Variants in POT1 observed in about 807,000 individuals in gnomAD.
POT1 encodes the protein protection of telomeres 1.
In POT1, 47 loss-of-function variants were observed where a neutral mutation model predicts 78.5. The observed-to-expected ratio is 0.60, with a 90% CI of 0.47 to 0.76. The LOEUF is 0.76. Among genes scored for constraint, POT1 ranks in the 30% least tolerant of loss-of-function variants. The pLI, the probability that POT1 is intolerant of heterozygous loss-of-function variation, is 0.00. For synonymous variants in POT1, 259 were observed against 260.7 expected, an observed-to-expected ratio of 0.99 and a Z score of 0.06; for missense variants, 646 against 749.9, an observed-to-expected ratio of 0.86 and a Z score of 1.62.
chr7:124,884,947 C>T (rs1190842944), intron 6 of POT1, among the ~76,000 whole-genome samples: 1 of 151,468 alleles, frequency 6.6e-6, no homozygotes, highest in African/African-American at 2.4e-5. Flanking sequence ...AAATTAAATT[C>T]CCTTATATGT....
intron 5 of POT1, among the ~76,000 whole-genome samples, chr7:124,896,337 T>C (rs1416694859): frequency 1.3e-5 from 2 of 151,756 alleles, no homozygotes; most frequent in Non-Finnish European, 3.0e-5. Context: ...ATATATCAAA[T>C]ATTTTAAATT....
At chr7:124,856,863 A>G (rs948439156) in intron 9 of POT1, among the ~76,000 whole-genome samples, 2 of 152,234 alleles carry the variant, frequency 1.3e-5, no homozygotes, top group Admixed American at 6.5e-5. Flanking sequence ...AATGTAGATA[A>G]TATCTTTCAG....
chr7:124,845,082 A>C (rs970053988), intron 12 of POT1, among the ~76,000 whole-genome samples: 1 of 152,212 alleles, frequency 6.6e-6, no homozygotes, highest in African/African-American at 2.4e-5. Flanking sequence ...TTTCAAAAGA[A>C]GACATTTTAT....
chr7:124,828,836 T>G (rs1414395224), intron 16 of POT1: 2 of 507,144 alleles, frequency 3.9e-6, no homozygotes, highest in Non-Finnish European at 3.9e-6. Flanking sequence ...CAAAACCAAG[T>G]GTACAAATAA....
At chr7:124,890,544 C>T (rs1796345646) in intron 6 of POT1, among the ~76,000 whole-genome samples, 1 of 151,776 alleles carries the variant, frequency 6.6e-6, no homozygotes, top group Non-Finnish European at 1.5e-5. Context: ...AAGGAAGAGT[C>T]AATTGATATG....
Position 124,840,988 on chromosome 7 carries a change from G to A in POT1, c.1354C>T (p.Leu452=). The A allele has an allele frequency of 6.2e-7, 1 of 1,600,830 alleles. No homozygotes were observed. The highest frequency in any genetic ancestry group is 1.1e-5 in the South Asian group (1 of 90,680). ...AATATCTTACCTTCTATCAAAAGTAGACATTCATTTGAAAGCGGGAGAATA... is the reference window on the plus strand; with the variant it reads ...AATATCTTACCTTCTATCAAAAGTAAACATTCATTTGAAAGCGGGAGAATA... The part of the protein sequence containing the change: ...NGILPLSNEC[L]LLIEGGTLSE... Residue 452 remains leucine (L), a synonymous_variant, in exon 14 of 19, where the codon CTA becomes TTA. Transcript: ENST00000357628.
intron 6 of POT1, among the ~76,000 whole-genome samples, chr7:124,875,650 C>T (rs1795973800): frequency 6.6e-6 from 1 of 152,154 alleles, no homozygotes; most frequent in South Asian, 2.1e-4. Flanking sequence ...AGTGAAATCT[C>T]AGGCTATTTA....
chr7:124,856,837 T>C (rs1356354993), intron 9 of POT1, among the ~76,000 whole-genome samples: 4 of 152,216 alleles, frequency 2.6e-5, no homozygotes, highest in African/African-American at 4.8e-5. Context: ...ATATTTAATT[T>C]TGAAATAAAC....
At chr7:124,841,865 T>C (rs1584757783) in intron 13 of POT1, among the ~76,000 whole-genome samples, 1 of 151,986 alleles carries the variant, frequency 6.6e-6, no homozygotes, top group African/African-American at 2.4e-5. Flanking sequence ...TTGATAATAT[T>C]TGAAGAATTA....
chr7:124,917,861 A>G (rs6945104), intron 2 of POT1, among the ~76,000 whole-genome samples: 91,559 of 151,996 alleles, frequency 0.6, 27,714 homozygotes, highest in African/African-American at 0.65. Flanking sequence ...CACCTGCGAA[A>G]GGGCCCTAGC....
chr7:124,843,585 T>G (rs1795084627), intron 12 of POT1, among the ~76,000 whole-genome samples: 1 of 152,072 alleles, frequency 6.6e-6, no homozygotes, highest in Admixed American at 6.5e-5. Flanking sequence ...ACAAAAGCAT[T>G]AGGAGCAATT....
At chr7:124,915,789 G>C (rs1448915578) in intron 2 of POT1, 143 bp from the exon 3 acceptor site, 1 of 152,046 alleles carries the variant, frequency 6.6e-6, no homozygotes, top group Non-Finnish European at 1.5e-5. Context: ...ACTATTTTAA[G>C]ACAAGAAACT....
At chr7:124,910,821 G>T (rs753097429) in intron 3 of POT1, among the ~76,000 whole-genome samples, 35 of 151,994 alleles carry the variant, frequency 2.3e-4, no homozygotes, top group Non-Finnish European at 3.8e-4. Flanking sequence ...ACACACATAG[G>T]TGTGTAATAC....
intron 6 of POT1, among the ~76,000 whole-genome samples, chr7:124,886,032 C>A (rs1796236573): frequency 6.6e-6 from 1 of 152,006 alleles, no homozygotes. Flanking sequence ...GCATTTCTAC[C>A]AGAATAGGAT....
chr7:124,832,710 CGGCG>C (rs1695692547), intron 15 of POT1, among the ~76,000 whole-genome samples: 1 of 151,034 alleles, frequency 6.6e-6, no homozygotes, highest in Admixed American at 6.6e-5. Context: ...CCCAGCTACT[CGGCG>C]GGGGGGTTGA....
At chr7:124,880,060 T>C (rs144670420) in intron 6 of POT1, among the ~76,000 whole-genome samples, 1 of 152,230 alleles carries the variant, frequency 6.6e-6, no homozygotes, top group South Asian at 2.1e-4. Flanking sequence ...ATGCTGTAAG[T>C]AGAACTGTGA....
chr7:124,872,524 T>C (rs1795897193), intron 6 of POT1, among the ~76,000 whole-genome samples: 1 of 152,200 alleles, frequency 6.6e-6, no homozygotes, highest in Non-Finnish European at 1.5e-5. Flanking sequence ...ATATCAACTG[T>C]CGAGGTATCG....
At chr7:124,824,301 A>T (rs574851173) in intron 18 of POT1, among the ~76,000 whole-genome samples, 1 of 151,982 alleles carries the variant, frequency 6.6e-6, no homozygotes, top group African/African-American at 2.4e-5. Flanking sequence ...TTTTGCCACA[A>T]GCAGGTAACA....
intron 6 of POT1, among the ~76,000 whole-genome samples, chr7:124,877,538 TA>T (rs1373404876): frequency 6.6e-6 from 1 of 150,760 alleles, no homozygotes; most frequent in African/African-American, 2.4e-5. Flanking sequence ...AGAGGTCCAT[TA>T]AAAAAAAGAG....
Sources: allele counts gnomAD v4.1 joint callset (sites outside exome capture counted in the v4.1 genomes callset), GRCh38; gene constraint gnomAD v4.1.1; transcripts MANE v1.5; gene names NCBI Gene and HGNC (gene_info 2026-07-23, HGNC 2026-07-21).